DIAPH3: variants seen among roughly 807,000 people sequenced by gnomAD.
DIAPH3 encodes diaphanous related formin 3, also known as protein diaphanous homolog 3.
Under a neutral mutation model 144.3 loss-of-function variants are expected in DIAPH3, and 117 were observed. The observed-to-expected ratio is 0.81, with a 90% CI of 0.70 to 0.95. DIAPH3 has a LOEUF of 0.95. Among genes scored for constraint, DIAPH3 ranks in the 40% least tolerant of loss-of-function variants. DIAPH3 has a pLI of 0.00. For missense variants in DIAPH3, 1,421 were observed against 1,412.7 expected (o/e 1.01, Z -0.09); for synonymous variants, 519 against 488.9 (o/e 1.06, Z -0.81).
intron 25 of DIAPH3, among the ~76,000 whole-genome samples, chr13:59,799,815 GATTT>G (rs1310717621): frequency 6.6e-6 from 1 of 152,128 alleles, no homozygotes; most frequent in African/African-American, 2.4e-5. Flanking sequence ...ATTTTTGTAA[GATTT>G]ATTATTGAGA....
At chr13:59,965,243 A>T (rs1196042807) in intron 17 of DIAPH3, among the ~76,000 whole-genome samples, 1 of 152,168 alleles carries the variant, frequency 6.6e-6, no homozygotes, top group African/African-American at 2.4e-5. Context: ...TTGAGAAATA[A>T]TTTATAAACC....
intron 4 of DIAPH3, among the ~76,000 whole-genome samples, chr13:60,086,559 T>C (rs566065856): frequency 1.3e-5 from 2 of 151,380 alleles, no homozygotes; most frequent in South Asian, 4.2e-4. Context: ...GCTTTTGTGT[T>C]ATAGGGGCAT....
chr13:59,971,195 A>T (rs1310485581), intron 15 of DIAPH3, 35 bp from the exon 16 acceptor site: 1 of 1,540,434 alleles, frequency 6.5e-7, no homozygotes, highest in East Asian at 2.4e-5. Flanking sequence ...ATAACTAAGA[A>T]CATATCTACA....
At chr13:59,970,200 T>C (rs1037959027) in intron 16 of DIAPH3, 142 bp from the exon 17 acceptor site, 21 of 461,994 alleles carry the variant, frequency 4.5e-5, no homozygotes, top group Non-Finnish European at 8.1e-5. Context: ...TGAAGTGTGT[T>C]CAATAAGATA....
chr13:60,061,278 C>G (rs997572310), intron 4 of DIAPH3, among the ~76,000 whole-genome samples: 4 of 151,936 alleles, frequency 2.6e-5, no homozygotes, highest in Non-Finnish European at 4.4e-5. Flanking sequence ...AATAGAAGCA[C>G]AAAACACACA....
intron 17 of DIAPH3, among the ~76,000 whole-genome samples, chr13:59,963,894 C>T (rs2140514675): frequency 6.6e-6 from 1 of 152,288 alleles, no homozygotes; most frequent in Non-Finnish European, 1.5e-5. Flanking sequence ...TACAATAGTG[C>T]ATTCAGAAGG....
chr13:59,959,584 A>T (rs1230388661), intron 17 of DIAPH3, among the ~76,000 whole-genome samples: 2 of 152,164 alleles, frequency 1.3e-5, no homozygotes. Context: ...GCCAGGCGAG[A>T]GAGATCTAAC....
intron 2 of DIAPH3, among the ~76,000 whole-genome samples, chr13:60,117,520 G>C (rs904273862): frequency 6.6e-6 from 1 of 151,996 alleles, no homozygotes; most frequent in Non-Finnish European, 1.5e-5. Context: ...AAAGCATTCC[G>C]TGCCCTATTG....
At chr13:59,926,230 C>T (rs2047744983) in intron 17 of DIAPH3, among the ~76,000 whole-genome samples, 1 of 152,120 alleles carries the variant, frequency 6.6e-6, no homozygotes, top group South Asian at 2.1e-4. Flanking sequence ...TCAAGTGATC[C>T]TCCCACCTCA....
chr13:60,159,951 C>T (rs893426717), intron 1 of DIAPH3, among the ~76,000 whole-genome samples: 2 of 151,814 alleles, frequency 1.3e-5, no homozygotes, highest in Non-Finnish European at 2.9e-5. Flanking sequence ...ACCGGCCAGG[C>T]GCGGTGGCTC....
At chr13:59,843,333 C>G (rs2042445064) in intron 22 of DIAPH3, among the ~76,000 whole-genome samples, 1 of 152,138 alleles carries the variant, frequency 6.6e-6, no homozygotes, top group Non-Finnish European at 1.5e-5. Context: ...AAAGTCTAGG[C>G]TGCCCTCAGA....
At chr13:59,788,340 C>A (rs938648525) in intron 25 of DIAPH3, among the ~76,000 whole-genome samples, 3 of 152,040 alleles carry the variant, frequency 2.0e-5, no homozygotes, top group African/African-American at 7.2e-5. Context: ...AAAATTGTGG[C>A]CATCTGTGGT....
intron 23 of DIAPH3, among the ~76,000 whole-genome samples, chr13:59,835,372 A>C (rs1261854844): frequency 6.6e-6 from 1 of 151,708 alleles, no homozygotes; most frequent in Non-Finnish European, 1.5e-5. Flanking sequence ...GTAGAAAAAA[A>C]ATATGATATT....
At chr13:59,762,756 C>T (rs2037667984) in intron 27 of DIAPH3, among the ~76,000 whole-genome samples, 1 of 152,094 alleles carries the variant, frequency 6.6e-6, no homozygotes, top group Non-Finnish European at 1.5e-5. Context: ...GTTTGAATGG[C>T]TGTCCCCTCC....
intron 20 of DIAPH3, among the ~76,000 whole-genome samples, chr13:59,909,549 C>G (rs1275404613): frequency 6.6e-6 from 1 of 152,128 alleles, no homozygotes; most frequent in East Asian, 1.9e-4. Flanking sequence ...AACTTTCATT[C>G]TGATTTTTCC....
rs369539913 is a variant in DIAPH3 at position 59,693,895 on chromosome 13, T to C, written c.3320-27049A>G. Among the ~76,000 whole-genome samples the C allele has an allele frequency of 1.3e-3, 200 of 152,256 alleles. 1 individual carries two copies. Among genetic ancestry groups the C allele is most frequent in the African/African-American group, 4.6e-3 (192 of 41,552 alleles). ...AGGAAATAGTTTCTGAAATAAATTATGAAATGATGACATGTTTAGTATACA... is the reference window on the plus strand; with the variant it reads ...AGGAAATAGTTTCTGAAATAAATTACGAAATGATGACATGTTTAGTATACA... On this transcript the variant is annotated intron_variant, in intron 27 of 27. Coordinates refer to ENST00000400324, the MANE Select transcript of DIAPH3 (RefSeq NM_001042517.2).
chr13:59,706,002 C>G (rs2034400275), intron 27 of DIAPH3, among the ~76,000 whole-genome samples: 1 of 151,654 alleles, frequency 6.6e-6, no homozygotes, highest in Non-Finnish European at 1.5e-5. Context: ...TCTCAGTACC[C>G]ATGGGGGATT....
chr13:59,823,541 C>G (rs2041194559), intron 24 of DIAPH3, among the ~76,000 whole-genome samples: 1 of 152,128 alleles, frequency 6.6e-6, no homozygotes, highest in Admixed American at 6.5e-5. Context: ...CCAAATTAAG[C>G]AAGGATAGAA....
At chr13:59,960,325 C>T (rs1324008) in intron 17 of DIAPH3, among the ~76,000 whole-genome samples, 114,489 of 152,052 alleles carry the variant, frequency 0.75, 43,244 homozygotes, top group Admixed American at 0.81. Context: ...CGTGTGAAGG[C>T]TGCGATTGTC....
Sources: allele counts gnomAD v4.1 joint callset (sites outside exome capture counted in the v4.1 genomes callset), GRCh38; gene constraint gnomAD v4.1.1; transcripts MANE v1.5; gene names NCBI Gene and HGNC (gene_info 2026-07-23, HGNC 2026-07-21).